Variants in NCALD observed in about 807,000 individuals in gnomAD.
NCALD encodes neurocalcin delta.
A neutral mutation model predicts 18.6 loss-of-function variants in NCALD; 10 were observed. The observed-to-expected ratio is 0.54, with a 90% CI of 0.33 to 0.91. The LOEUF is 0.91. Ranked by LOEUF, NCALD falls within the 40% of genes least tolerant of loss-of-function variation. The probability of loss-of-function intolerance (pLI) is 0.03; values close to 1 mark genes in which losing one functional copy is unlikely to be tolerated. For synonymous variants in NCALD, 88 were observed against 87.4 expected (o/e 1.01, Z -0.04); for missense variants, 184 against 247.6 (o/e 0.74, Z 1.72).
At chr8:101,984,020 G>A (rs760734046) in intron 2 of NCALD, among the ~76,000 whole-genome samples, 8 of 152,196 alleles carry the variant, frequency 5.3e-5, no homozygotes, top group Admixed American at 1.3e-4. Flanking sequence ...GCTCGAATAT[G>A]CTATGTTTCC....
At chr8:101,691,611 G>A (rs1330386517) in intron 3 of NCALD, 12 of 985,356 alleles carry the variant, frequency 1.2e-5, no homozygotes, top group Non-Finnish European at 1.3e-5. Flanking sequence ...AAATAATCCC[G>A]TGCTTGTTTA....
chr8:101,986,654 C>G (rs1208854291), intron 2 of NCALD: 1 of 152,476 alleles, frequency 6.6e-6, no homozygotes, highest in Admixed American at 6.5e-5. Flanking sequence ...GCAGGGCCAT[C>G]TCTCTTGCAT....
chr8:101,789,268 T>C (rs1185696934), intron 1 of NCALD, among the ~76,000 whole-genome samples: 1 of 152,124 alleles, frequency 6.6e-6, no homozygotes, highest in Non-Finnish European at 1.5e-5. Flanking sequence ...TTTCTAGGGG[T>C]GTTAAGAATA....
At chr8:101,927,377 C>A (rs1027948720) in intron 2 of NCALD, among the ~76,000 whole-genome samples, 10 of 152,152 alleles carry the variant, frequency 6.6e-5, no homozygotes, top group Admixed American at 1.3e-4. Context: ...ATACAACAAG[C>A]CTGCACTGTT....
At chr8:102,110,042 T>TTCA (rs1249088968) in intron 1 of NCALD, among the ~76,000 whole-genome samples, 1 of 152,194 alleles carries the variant, frequency 6.6e-6, no homozygotes, top group Admixed American at 6.5e-5. Flanking sequence ...TATATAATAT[T>TTCA]TCATCTGAAT....
chr8:101,840,925 A>C (rs1814618399), intron 4 of NCALD, among the ~76,000 whole-genome samples: 1 of 152,232 alleles, frequency 6.6e-6, no homozygotes, highest in South Asian at 2.1e-4. Context: ...CCAACCTACC[A>C]AAGCAAGATT....
At chr8:101,767,225 T>C (rs79885283) in intron 1 of NCALD, among the ~76,000 whole-genome samples, 6,963 of 152,236 alleles carry the variant, frequency 0.046, 388 homozygotes, top group African/African-American at 0.13. Flanking sequence ...TGTACTAGAA[T>C]TATAATAAAA....
chr8:101,963,192 G>A (rs575266902), intron 2 of NCALD, among the ~76,000 whole-genome samples: 4 of 152,130 alleles, frequency 2.6e-5, no homozygotes, highest in African/African-American at 9.7e-5. Flanking sequence ...TTCAAGTCAT[G>A]GCCACTTTTC....
chr8:102,076,257 A>G (rs777577267), intron 1 of NCALD, among the ~76,000 whole-genome samples: 3 of 152,198 alleles, frequency 2.0e-5, no homozygotes, highest in Non-Finnish European at 2.9e-5. Flanking sequence ...ATGTTTTTAA[A>G]ATGTTTGTAA....
At chr8:101,799,947 C>T (rs1812780122) in intron 4 of NCALD, among the ~76,000 whole-genome samples, 1 of 152,128 alleles carries the variant, frequency 6.6e-6, no homozygotes, top group Admixed American at 6.5e-5. Flanking sequence ...TATGGGTTCT[C>T]TCTGTATTAT....
chr8:101,735,901 C>T (rs753048692), intron 1 of NCALD, among the ~76,000 whole-genome samples: 5 of 152,234 alleles, frequency 3.3e-5, no homozygotes, highest in Admixed American at 6.5e-5. Context: ...TCACTTCCAT[C>T]CAATCCTGTT....
intron 1 of NCALD, among the ~76,000 whole-genome samples, chr8:102,089,717 AC>A (rs762701590): frequency 5.9e-5 from 9 of 152,204 alleles, no homozygotes; most frequent in Non-Finnish European, 1.2e-4. Context: ...TTTGGCCTAA[AC>A]TAAAGGATTA....
At position 101,815,232 on chromosome 8, in the gene NCALD, A is replaced by C. The variant is rs112222770; in HGVS notation, c.-20+71909T>G. On this transcript the variant is annotated intron_variant, in intron 4 of 6. Coordinates refer to the NCALD transcript ENST00000311028. Reference sequence around the variant, plus strand: ...ACTTCAAGTCTTACTATAAAGCTACAGTAATAAGACAGTGTGGTACTGGTG... The same window carrying C: ...ACTTCAAGTCTTACTATAAAGCTACCGTAATAAGACAGTGTGGTACTGGTG... Among the ~76,000 whole-genome samples, 870 of 152,274 alleles carry C rather than the reference A, an allele frequency of 5.7e-3. 11 individuals are homozygous for C. Among genetic ancestry groups the C allele is most frequent in the African/African-American group, 0.018 (765 of 41,576 alleles).
In NCALD at chr8:102,049,816, A is replaced by C. The variant is rs927836367; in HGVS notation, c.-209-29527T>G. Among the ~76,000 whole-genome samples, 3 of 152,224 alleles carry C rather than the reference A, an allele frequency of 2.0e-5. No individual in the cohort carries two copies. In the East Asian group the frequency reaches 5.8e-4, roughly 29 times the overall value. Reference sequence around the variant, plus strand: ...CCATCTTTTCATGTTTGCCCTCTGTATCTCTTCTTTGGTGAGGTATCTTTT... The same window carrying C: ...CCATCTTTTCATGTTTGCCCTCTGTCTCTCTTCTTTGGTGAGGTATCTTTT... On this transcript the variant is annotated intron_variant, in intron 1 of 6. Transcript: ENST00000311028.
chr8:102,057,654 A>G (rs968479780), intron 1 of NCALD, among the ~76,000 whole-genome samples: 1 of 152,256 alleles, frequency 6.6e-6, no homozygotes, highest in African/African-American at 2.4e-5. Context: ...CTATGTGACC[A>G]TATGATTTAC....
At chr8:101,959,946 C>T (rs1055446455) in intron 2 of NCALD, among the ~76,000 whole-genome samples, 1 of 148,202 alleles carries the variant, frequency 6.7e-6, no homozygotes, top group East Asian at 2.1e-4. Flanking sequence ...CACTTGGGCT[C>T]CAACGTCCTT....
intron 1 of NCALD, among the ~76,000 whole-genome samples, chr8:101,765,525 A>C (rs538244444): frequency 1.8e-4 from 27 of 152,254 alleles, no homozygotes; most frequent in Admixed American, 3.3e-4. Context: ...ATAATTAAAA[A>C]TTTTCTTCTT....
At chr8:101,743,540 T>C (rs537234435) in intron 1 of NCALD, among the ~76,000 whole-genome samples, 89 of 152,326 alleles carry the variant, frequency 5.8e-4, no homozygotes, top group African/African-American at 1.5e-3. Context: ...GGTGGTTTTA[T>C]GGGCACAGGG....
Position 102,036,126 on chromosome 8 carries a change from A to AAAATAAATAAATTAATAAAT in NCALD, c.-209-15838_-209-15837insATTTATTAATTTATTTATTT, listed in dbSNP as rs370415924. ...CAACATAACAAGGCCCATCTCTACA[A>AAAATAAATAAATTAATAAAT]AAATAAATAAATAAATAAATTAATT... On this transcript the variant is annotated intron_variant, in intron 1 of 6. Coordinates refer to the NCALD transcript ENST00000311028. 4.5e-3 allele frequency among the ~76,000 whole-genome samples: 673 copies of AAAATAAATAAATTAATAAAT among 148,990 alleles called. 4 individuals are homozygous for AAAATAAATAAATTAATAAAT. The highest frequency in any genetic ancestry group is 0.013 in the South Asian group (62 of 4,740).
Sources: gnomAD v4.1 joint callset for allele counts (sites outside exome capture counted in the v4.1 genomes callset) on GRCh38, gnomAD v4.1.1 for gene constraint, MANE v1.5 for transcripts, NCBI Gene and HGNC (gene_info 2026-07-23, HGNC 2026-07-21) for gene names.